The following GPR173 variants were observed in gnomAD, a reference collection of about 807,000 sequenced individuals.
GPR173 encodes probable G protein-coupled receptor 173.
Under a neutral mutation model 13.9 loss-of-function variants are expected in GPR173, and 2 were observed. That is an observed-to-expected ratio of 0.14 (90% CI 0.06 to 0.45). GPR173 has a LOEUF of 0.45. Among genes scored for constraint, GPR173 ranks in the 20% least tolerant of loss-of-function variants. The pLI is 0.98. For missense variants in GPR173, 202 were observed against 340.5 expected, an observed-to-expected ratio of 0.59 and a Z score of 3.20; for synonymous variants, 131 against 141.0, an observed-to-expected ratio of 0.93 and a Z score of 0.50.
chrX:53,074,215 TTTATATTTATTCATATA>T (rs1556805349), intron 1 of GPR173, among the ~76,000 whole-genome samples: 12 of 96,787 alleles, frequency 1.2e-4, no homozygotes, highest in Non-Finnish European at 2.4e-4. Flanking sequence ...TAAATATACA[TTTATATTTATTCATATA>T]GAAATATATA....
chrX:53,055,889 AGTGT>A (rs112784276), intron 1 of GPR173, among the ~76,000 whole-genome samples: 23,720 of 97,322 alleles, frequency 0.24, 2,761 homozygotes, highest in African/African-American at 0.42. Context: ...CTGTATTTGG[AGTGT>A]GTGTGTGTGT....
At position 53,061,139 on chromosome X, in the gene GPR173, C is replaced by T. The variant is rs189261003; in HGVS notation, c.-98+11655C>T. Among the ~76,000 whole-genome samples the T allele has an allele frequency of 1.9e-4, 20 of 107,947 alleles. 1 individual carries two copies. The East Asian group carries it at 5.6e-3, about 30-fold the overall frequency. The allele number at this position is 107,947 out of a possible 115,157, so 93.7% of individuals were successfully genotyped here. ...TGGGGAGGCTGAGGCAGGAGAATGG[C>T]GTGGACCCAGGAGGCAGAGTTTGTA... On this transcript the variant is annotated intron_variant, in intron 1 of 1. Transcript: ENST00000332582.
At chrX:53,070,703 C>T (rs1038895297) in intron 1 of GPR173, among the ~76,000 whole-genome samples, 4 of 110,242 alleles carry the variant, frequency 3.6e-5, no homozygotes, top group Admixed American at 9.7e-5. Context: ...AGGCTGGTCT[C>T]AAACCCCTGA....
intron 1 of GPR173, among the ~76,000 whole-genome samples, chrX:53,070,631 C>T (rs1226073084): frequency 2.8e-5 from 3 of 107,614 alleles, no homozygotes; most frequent in Non-Finnish European, 3.9e-5. Context: ...ATTACAGGTT[C>T]GTGCCACCAC....
chrX:53,062,414 T>C lies in GPR173; in HGVS notation c.-98+12930T>C, dbSNP rs782065181. 7.3e-5 allele frequency among the ~76,000 whole-genome samples: 8 copies of C among 109,581 alleles called. No individual in the cohort carries two copies. In the East Asian group the frequency reaches 2.0e-3, roughly 27 times the overall value. ...GCAAATTTCTCTCCAGATGTTAGCC[T>C]ATGAAAATAGCAAATTACTTTCTTC... is the stretch of plus-strand genomic sequence containing the variant. On this transcript the variant is annotated intron_variant, in intron 1 of 1. Coordinates refer to ENST00000332582, the MANE Select transcript of GPR173 (RefSeq NM_018969.6).
chrX:53,056,232 G>A (rs782258842), intron 1 of GPR173, among the ~76,000 whole-genome samples: 5 of 110,072 alleles, frequency 4.5e-5, no homozygotes, highest in South Asian at 3.9e-4. Flanking sequence ...TTTGAGATGC[G>A]TGTATATGAG....
chrX:53,073,134 A>G (rs782145966), intron 1 of GPR173, among the ~76,000 whole-genome samples: 3 of 109,341 alleles, frequency 2.7e-5, no homozygotes, highest in Non-Finnish European at 5.7e-5. Flanking sequence ...CTGAGGCACA[A>G]GAATCACTTG....
At chrX:53,074,698 T>C (rs1254540109) in intron 1 of GPR173, among the ~76,000 whole-genome samples, 1 of 90,141 alleles carries the variant, frequency 1.1e-5, no homozygotes, top group Non-Finnish European at 2.1e-5. Context: ...TAAATAAATA[T>C]ATAAATATAT....
intron 1 of GPR173, among the ~76,000 whole-genome samples, chrX:53,062,441 A>G (rs1932137952): frequency 9.2e-6 from 1 of 109,243 alleles, no homozygotes; most frequent in Admixed American, 9.9e-5. Context: ...ACTTTCTTCC[A>G]AAATACAATG....
Position 53,076,526 on chromosome X carries a change from T to C in GPR173, c.-96T>C. ...TCCCCCGCTCATTCCCATTTGCAGG[T>C]GCAATGTAGCAGGACAACTCATGGA... On this transcript the variant is annotated splice_region_variant and 5_prime_UTR_variant, in exon 2 of 2. Coordinates refer to ENST00000332582, the MANE Select transcript of GPR173 (RefSeq NM_018969.6). 1.6e-6 allele frequency: 1 copy of C among 614,432 alleles called. No homozygotes were observed. The highest frequency in any genetic ancestry group is 2.2e-5 in the African/African-American group (1 of 44,710). The allele number at this position is 614,432 out of a possible 1,213,427, so 50.6% of individuals were successfully genotyped here.
At chrX:53,065,256 A>G (rs1319298029) in intron 1 of GPR173, 1 of 112,044 alleles carries the variant, frequency 8.9e-6, no homozygotes, top group African/African-American at 3.2e-5. Context: ...TTCCATGGAG[A>G]TTGCTCACAC....
chrX:53,055,177 G>A (rs1366479106), intron 1 of GPR173, among the ~76,000 whole-genome samples: 1 of 110,249 alleles, frequency 9.1e-6, no homozygotes, highest in Admixed American at 9.8e-5. Flanking sequence ...TCTGAGTGTG[G>A]TAGGGGTGTG....
At chrX:53,076,262 GTCTC>G (rs1383610018) in intron 1 of GPR173, among the ~76,000 whole-genome samples, 26 of 108,808 alleles carry the variant, frequency 2.4e-4, no homozygotes, top group Admixed American at 4.9e-4. Flanking sequence ...TCTCCTGTCT[GTCTC>G]TCTCTCTCTC....
At chrX:53,072,318 C>A (rs1286154197) in intron 1 of GPR173, among the ~76,000 whole-genome samples, 2 of 107,783 alleles carry the variant, frequency 1.9e-5, no homozygotes, top group African/African-American at 6.8e-5. Flanking sequence ...TCTGCCCCAC[C>A]CCACCCCGTC....
In GPR173 at chrX:53,078,018, GTCTCTCTCTCTCTCTC is replaced by G; in HGVS notation, c.*288_*303del. ...TCTCATTCTCTCTCTCTCTCTCTCT[GTCTCTCTCTCTCTCTC>G]TCTCTCTCTCTCAGAAGTGACAATT... On this transcript the variant is annotated 3_prime_UTR_variant, in exon 2 of 2. Coordinates refer to ENST00000332582, the MANE Select transcript of GPR173 (RefSeq NM_018969.6). 1 of 259,594 alleles carries G rather than the reference GTCTCTCTCTCTCTCTC, an allele frequency of 3.9e-6. No homozygotes were observed. The highest frequency in any genetic ancestry group is 7.0e-6 in the Non-Finnish European group (1 of 141,879). The allele number at this position is 259,594 out of a possible 1,213,427, so 21.4% of individuals were successfully genotyped here. A position where few individuals can be genotyped will look rare whatever the true frequency, so the allele number is the denominator to read the frequency against.
At position 53,063,071 on chromosome X, in the gene GPR173, A is replaced by G. The variant is rs1319532409; in HGVS notation, c.-97-13454A>G. Among the ~76,000 whole-genome samples the G allele has an allele frequency of 2.7e-5, 3 of 109,785 alleles. No homozygotes were observed. The East Asian group carries it at 8.7e-4, about 32-fold the overall frequency. Reference sequence around the variant, plus strand: ...GGGACAGCCCCACTCCCACAGTTCCACTAAGTGTTGCCTTAGTGGGAGCCC... The same window carrying G: ...GGGACAGCCCCACTCCCACAGTTCCGCTAAGTGTTGCCTTAGTGGGAGCCC... On this transcript the variant is annotated intron_variant, in intron 1 of 1. Transcript: ENST00000332582.
intron 1 of GPR173, among the ~76,000 whole-genome samples, chrX:53,050,790 TGGAA>T (rs1351513814): frequency 8.9e-6 from 1 of 111,948 alleles, no homozygotes; most frequent in Non-Finnish European, 1.9e-5. Flanking sequence ...TGGAGGGTAG[TGGAA>T]GGGAGGCAGG....
At chrX:53,049,852 T>G (rs1931928737) in intron 1 of GPR173, among the ~76,000 whole-genome samples, 2 of 111,444 alleles carry the variant, frequency 1.8e-5, no homozygotes, top group South Asian at 7.5e-4. Context: ...GCCTGCACCC[T>G]GGGCAGGCTC....
chrX:53,067,470 A>G (rs1362789406), intron 1 of GPR173, among the ~76,000 whole-genome samples: 4 of 112,026 alleles, frequency 3.6e-5, no homozygotes, highest in Non-Finnish European at 7.5e-5. Context: ...AAATCTTTCT[A>G]TTGAAGGGGT....
Sources: gnomAD v4.1 joint callset for allele counts (sites outside exome capture counted in the v4.1 genomes callset) on GRCh38, gnomAD v4.1.1 for gene constraint, MANE v1.5 for transcripts, NCBI Gene and HGNC (gene_info 2026-07-23, HGNC 2026-07-21) for gene names.